The following MDGA1 variants were observed in gnomAD, a reference collection of about 807,000 sequenced individuals.
MDGA1 encodes the protein MAM domain-containing glycosylphosphatidylinositol anchor protein 1.
Under a neutral mutation model 101.5 loss-of-function variants are expected in MDGA1, and 54 were observed. The ratio of observed to expected loss-of-function variants is 0.53; its 90% CI spans 0.43 to 0.67. The LOEUF (loss-of-function observed/expected upper bound fraction) is 0.67. Ranked by LOEUF, MDGA1 falls within the 30% of genes least tolerant of loss-of-function variation. MDGA1 has a pLI of 0.00. For synonymous variants in MDGA1, 533 were observed against 558.3 expected, an observed-to-expected ratio of 0.95 and a Z score of 0.64; for missense variants, 1,083 against 1,323.8, an observed-to-expected ratio of 0.82 and a Z score of 2.82.
intron 1 of MDGA1, among the ~76,000 whole-genome samples, chr6:37,682,457 C>T (rs1459213329): frequency 6.6e-6 from 1 of 152,178 alleles, no homozygotes; most frequent in Admixed American, 6.5e-5. Flanking sequence ...GCACTCCAGC[C>T]TGGGTGACAG....
intron 2 of MDGA1, among the ~76,000 whole-genome samples, chr6:37,660,898 G>T (rs1761608722): frequency 6.6e-6 from 1 of 152,084 alleles, no homozygotes; most frequent in South Asian, 2.1e-4. Flanking sequence ...GGGTATAGGT[G>T]GTTGCCTATA....
Position 37,634,285 on chromosome 6 carries a change from T to C in MDGA1, c.*3083A>G. On this transcript the variant is annotated 3_prime_UTR_variant, in exon 17 of 17. Coordinates refer to ENST00000434837, the MANE Select transcript of MDGA1 (RefSeq NM_153487.4). This position sits in a 1 kb window ranked among gnomAD's most constrained non-coding sequence, Gnocchi z 4.7. ...GTTTTAAGGCCACAAAATGCCTCAG[T>C]CACCCTGACCCAGAGGGCGAGGCTG... The C allele has an allele frequency of 6.5e-6, 1 of 152,826 alleles. No homozygotes were observed. Among genetic ancestry groups the C allele is most frequent in the Non-Finnish European group, 1.5e-5 (1 of 68,096 alleles). 9.5% of individuals were successfully genotyped at this position (152,826 alleles called of 1,614,324 possible).
At chr6:37,682,762 C>T (rs888932781) in intron 1 of MDGA1, among the ~76,000 whole-genome samples, 7 of 152,190 alleles carry the variant, frequency 4.6e-5, no homozygotes, top group Non-Finnish European at 8.8e-5. Context: ...CAGAGTCTGG[C>T]ACACTGCGGG....
chr6:37,665,151 A>C (rs1761719291), intron 1 of MDGA1, among the ~76,000 whole-genome samples: 1 of 152,148 alleles, frequency 6.6e-6, no homozygotes, highest in South Asian at 2.1e-4. Flanking sequence ...TGCCAAGGTC[A>C]CAGCCCCTAC....
In MDGA1 at chr6:37,664,844, C is replaced by CAG. The variant is rs1370970080; in HGVS notation, c.68-739_68-738insCT. Among the ~76,000 whole-genome samples the CAG allele has an allele frequency of 7.3e-3, 339 of 46,372 alleles. 2 individuals are homozygous for CAG. The highest frequency in any genetic ancestry group is 0.036 in the Middle Eastern group (3 of 84). The allele number at this position is 46,372 out of a possible 152,430, so 30.4% of individuals were successfully genotyped here. A position where few individuals can be genotyped will look rare whatever the true frequency, so the allele number is the denominator to read the frequency against. On this transcript the variant is annotated intron_variant, in intron 1 of 16. Coordinates refer to ENST00000434837, the MANE Select transcript of MDGA1 (RefSeq NM_153487.4). The stretch of plus-strand genomic sequence containing the variant: ...TGCTTTTAGAGAGCCTAACCTAAGA[C>CAG]ACACACACACACACACACACACACA...
intron 14 of MDGA1, chr6:37,639,275 C>A (rs1192396963): frequency 6.5e-6 from 1 of 152,672 alleles, no homozygotes; most frequent in Non-Finnish European, 1.5e-5. Context: ...TAAACACCAG[C>A]AAGTGAAAGC....
At chr6:37,688,005 T>C (rs9394451) in intron 1 of MDGA1, among the ~76,000 whole-genome samples, 14,165 of 152,130 alleles carry the variant, frequency 0.093, 1,013 homozygotes, top group East Asian at 0.37. Flanking sequence ...GTTAGCACCA[T>C]TGAAGTAGAA....
intron 1 of MDGA1, among the ~76,000 whole-genome samples, chr6:37,664,600 T>TACACACAC (rs61046567): frequency 0.033 from 3,883 of 118,120 alleles, 132 homozygotes; most frequent in African/African-American, 0.049. Context: ...TCCCCCACAA[T>TACACACAC]ACACACACAC....
chr6:37,692,241 T>C (rs920988201), intron 1 of MDGA1, among the ~76,000 whole-genome samples: 12 of 152,022 alleles, frequency 7.9e-5, no homozygotes, highest in Admixed American at 4.6e-4. Flanking sequence ...GCAGGGCCCG[T>C]AGGCAGTTAC....
chr6:37,687,241 G>A (rs935931961), intron 1 of MDGA1, among the ~76,000 whole-genome samples: 12 of 151,990 alleles, frequency 7.9e-5, no homozygotes, highest in Non-Finnish European at 1.5e-4. Context: ...TTCCAGACAC[G>A]TAGTGGGTAC....
chr6:37,694,803 G>A (rs1488195525), intron 1 of MDGA1, among the ~76,000 whole-genome samples: 2 of 152,168 alleles, frequency 1.3e-5, no homozygotes, highest in Non-Finnish European at 2.9e-5. Context: ...CAAGGGCCCA[G>A]GGTCGGCCCC....
At chr6:37,679,525 T>G (rs1762049314) in intron 1 of MDGA1, among the ~76,000 whole-genome samples, 1 of 152,182 alleles carries the variant, frequency 6.6e-6, no homozygotes, top group South Asian at 2.1e-4. Flanking sequence ...TCTTCTACCC[T>G]TCCTCCTGGG....
In MDGA1 at chr6:37,695,093, G is replaced by A. The variant is rs79744004; in HGVS notation, c.67+1652C>T. Among the ~76,000 whole-genome samples the A allele has an allele frequency of 4.5e-3, 680 of 152,180 alleles. 2 individuals are homozygous for A. The highest frequency in any genetic ancestry group is 0.024 in the Middle Eastern group (7 of 294). On this transcript the variant is annotated intron_variant, in intron 1 of 16. Coordinates refer to ENST00000434837, the MANE Select transcript of MDGA1 (RefSeq NM_153487.4). ...GAGAAGCTGGAGGGGATGGAGGACAGGGATGACCAGGAGTGGGTCTTGCCA... is the reference window on the plus strand; with the variant it reads ...GAGAAGCTGGAGGGGATGGAGGACAAGGATGACCAGGAGTGGGTCTTGCCA...
chr6:37,648,999 CA>C lies in MDGA1; in HGVS notation c.1876del (p.Cys626AlafsTer58). ...ACGCTCACCGGAGACCTGGAAGAGG[CA>C]GGCAGCCGAGCCCACATCGTTGGAG... ...SVSNDVGSAACLFQVSAKAYS... is the reference protein window; with the variant it reads ...SVSNDVGSAAXLFQVSAKAYS... On this transcript the variant is annotated frameshift_variant, in exon 9 of 17. Coordinates refer to ENST00000434837, the MANE Select transcript of MDGA1 (RefSeq NM_153487.4). LOFTEE classifies it high-confidence loss of function. 6.4e-7 allele frequency: 1 copy of C among 1,552,644 alleles called. No homozygotes were observed. Among genetic ancestry groups the C allele is most frequent in the Non-Finnish European group, 8.7e-7 (1 of 1,149,744 alleles).
In MDGA1 at chr6:37,652,406, C is replaced by T. The variant is rs1761392199; in HGVS notation, c.983-66G>A. The T allele has an allele frequency of 1.7e-5, 22 of 1,279,488 alleles. No individual in the cohort carries two copies. Among genetic ancestry groups the T allele is most frequent in the Admixed American group, 2.2e-5 (1 of 44,968 alleles). 79.3% of individuals were successfully genotyped at this position (1,279,488 alleles called of 1,614,324 possible). A position where few individuals can be genotyped will look rare whatever the true frequency, so the allele number is the denominator to read the frequency against. On this transcript the variant is annotated intron_variant, in intron 6 of 16. Transcript: ENST00000434837. The surrounding 1 kb of genome is among the most constrained non-coding windows in gnomAD (Gnocchi z 4.3). ...TGACTCCAGGGGTCCATGTCCCACC[C>T]CAACCCAGACCCAGCTTCTCCCCTC...
chr6:37,638,252 G>A lies in MDGA1; in HGVS notation c.2729C>T (p.Thr910Ile). Residue 910 changes from threonine to isoleucine, a missense_variant, in exon 16 of 17, where the codon ACA becomes ATA. By Grantham distance (89) the Thr-to-Ile change is moderately conservative. Transcript: ENST00000434837. This position sits in a 1 kb window ranked among gnomAD's most constrained non-coding sequence, Gnocchi z 4.8. ...CCGGGGACACTCCCCCTTCTTCAGTGTGACGTCATCTATGGCAATATCCCC... is the reference window on the plus strand; with the variant it reads ...CCGGGGACACTCCCCCTTCTTCAGTATGACGTCATCTATGGCAATATCCCC... ...YLGDIAIDDV[T>I]LKKGECPRKQ... 6.2e-7 allele frequency: 1 copy of A among 1,613,610 alleles called. No homozygotes were observed. Among genetic ancestry groups the A allele is most frequent in the Non-Finnish European group, 8.5e-7 (1 of 1,179,786 alleles).
intron 1 of MDGA1, among the ~76,000 whole-genome samples, chr6:37,672,209 G>A (rs762160822): frequency 1.3e-5 from 2 of 151,990 alleles, no homozygotes; most frequent in Non-Finnish European, 2.9e-5. Context: ...CCAACATTTT[G>A]GGAAGCTGAG....
Position 37,634,038 on chromosome 6 carries a change from G to A in MDGA1, c.*3330C>T, listed in dbSNP as rs1303703189. ...AGAAAGAGGTGTCAGGCCCATCTCT[G>A]AGAGGTAGGGGTGGAAGGAGCATTC... On this transcript the variant is annotated 3_prime_UTR_variant, in exon 17 of 17. Transcript: ENST00000434837. This position sits in a 1 kb window ranked among gnomAD's most constrained non-coding sequence, Gnocchi z 4.7. 2 of 152,894 alleles carry A rather than the reference G, an allele frequency of 1.3e-5. No individual in the cohort carries two copies. Among genetic ancestry groups the A allele is most frequent in the Non-Finnish European group, 2.9e-5 (2 of 68,316 alleles). 9.5% of individuals were successfully genotyped at this position (152,894 alleles called of 1,614,324 possible).
At position 37,643,795 on chromosome 6, in the gene MDGA1, G is replaced by GC; in HGVS notation, c.2536+13dup. ...GCACACACTTGGTGGAGACTACCTG[G>GC]CCCCCCAACTCACCGATGTGTTTCC... On this transcript the variant is annotated intron_variant, in intron 14 of 16. Transcript: ENST00000434837. 2 of 1,613,660 alleles carry GC rather than the reference G, an allele frequency of 1.2e-6. No individual in the cohort carries two copies. Among genetic ancestry groups the GC allele is most frequent in the African/African-American group, 1.3e-5 (1 of 75,012 alleles).
Sources: allele counts gnomAD v4.1 joint callset (sites outside exome capture counted in the v4.1 genomes callset), GRCh38; gene constraint gnomAD v4.1.1; non-coding constraint Gnocchi (gnomAD v3.1); transcripts MANE v1.5; gene names NCBI Gene and HGNC (gene_info 2026-07-23, HGNC 2026-07-21).